The following KCNH8 variants were observed in gnomAD, a reference collection of about 807,000 sequenced individuals.
KCNH8 encodes the protein potassium voltage-gated channel subfamily H member 8.
Under a neutral mutation model 103.6 loss-of-function variants are expected in KCNH8, and 70 were observed. The observed-to-expected ratio is 0.68, with a 90% CI of 0.56 to 0.82. The LOEUF is 0.82. Ranked by LOEUF, KCNH8 falls within the 40% of genes least tolerant of loss-of-function variation. KCNH8 has a pLI of 0.00. For synonymous variants in KCNH8, 498 were observed against 489.4 expected, an observed-to-expected ratio of 1.02 and a Z score of -0.23; for missense variants, 1,217 against 1,329.9, an observed-to-expected ratio of 0.92 and a Z score of 1.32.
intron 5 of KCNH8, among the ~76,000 whole-genome samples, chr3:19,364,005 A>G (rs758076996): frequency 6.6e-6 from 1 of 152,218 alleles, no homozygotes; most frequent in African/African-American, 2.4e-5. Context: ...TTGCTTGGAC[A>G]TTCTGGTATA....
At chr3:19,285,932 A>C (rs2064825764) in intron 3 of KCNH8, among the ~76,000 whole-genome samples, 1 of 152,210 alleles carries the variant, frequency 6.6e-6, no homozygotes, top group Non-Finnish European at 1.5e-5. Flanking sequence ...AGCAGAGTCA[A>C]GGAGAACTTC....
intron 14 of KCNH8, among the ~76,000 whole-genome samples, chr3:19,515,811 C>G (rs1019420194): frequency 2.0e-5 from 3 of 152,018 alleles, no homozygotes; most frequent in Admixed American, 2.0e-4. Flanking sequence ...TTATATTTAA[C>G]CAGTTTATTC....
At chr3:19,308,803 TTTCTCC>T (rs2065173694) in intron 3 of KCNH8, among the ~76,000 whole-genome samples, 1 of 127,316 alleles carries the variant, frequency 7.9e-6, no homozygotes, top group African/African-American at 3.2e-5. Flanking sequence ...TCTCTCTCCC[TTTCTCC>T]CTCTCTCTCT....
intron 3 of KCNH8, among the ~76,000 whole-genome samples, chr3:19,318,319 T>A (rs931772232): frequency 4.0e-5 from 6 of 151,720 alleles, no homozygotes; most frequent in Non-Finnish European, 8.8e-5. Flanking sequence ...ACAAGTGGTG[T>A]TTGGTTACAT....
chr3:19,510,639 T>C (rs2125240943), intron 12 of KCNH8, among the ~76,000 whole-genome samples: 1 of 152,310 alleles, frequency 6.6e-6, no homozygotes, highest in Non-Finnish European at 1.5e-5. Context: ...TACCAAAACA[T>C]GCCAAATGTA....
chr3:19,348,743 G>C (rs944938782), intron 5 of KCNH8, among the ~76,000 whole-genome samples: 1 of 151,938 alleles, frequency 6.6e-6, no homozygotes, highest in African/African-American at 2.4e-5. Flanking sequence ...TGGTGATAGA[G>C]GGCTATATTC....
At chr3:19,315,018 T>C (rs1458800545) in intron 3 of KCNH8, 1 of 152,382 alleles carries the variant, frequency 6.6e-6, no homozygotes, top group Non-Finnish European at 1.5e-5. Flanking sequence ...TCACAGGAAC[T>C]TCTGTACCAT....
intron 3 of KCNH8, among the ~76,000 whole-genome samples, chr3:19,287,892 G>C (rs773149352): frequency 6.6e-6 from 1 of 151,998 alleles, no homozygotes; most frequent in African/African-American, 2.4e-5. Flanking sequence ...CCCCACATTC[G>C]ACTTTCTAAC....
intron 5 of KCNH8, among the ~76,000 whole-genome samples, chr3:19,367,406 T>TTA (rs1334570790): frequency 4.9e-4 from 70 of 143,826 alleles, no homozygotes; most frequent in Non-Finnish European, 8.4e-4. Context: ...ATATATATAT[T>TTA]TATATATATA....
intron 2 of KCNH8, among the ~76,000 whole-genome samples, chr3:19,280,688 C>T (rs2064744622): frequency 6.6e-6 from 1 of 152,062 alleles, no homozygotes; most frequent in African/African-American, 2.4e-5. Context: ...AATCAGCCAG[C>T]AATGTATGAG....
At chr3:19,371,566 T>C (rs1261286821) in intron 5 of KCNH8, among the ~76,000 whole-genome samples, 1 of 150,282 alleles carries the variant, frequency 6.7e-6, no homozygotes, top group Non-Finnish European at 1.5e-5. Context: ...AGGTTGCCTG[T>C]TCACTCTGAT....
intron 3 of KCNH8, among the ~76,000 whole-genome samples, chr3:19,309,579 C>G (rs2065183510): frequency 6.6e-6 from 1 of 151,788 alleles, no homozygotes; most frequent in Non-Finnish European, 1.5e-5. Context: ...TGTCTGATAA[C>G]TAACATATAT....
Position 19,156,987 on chromosome 3 carries a change from A to ATTTT in KCNH8, c.76+8192_76+8193insTTTT, listed in dbSNP as rs1559400834. ...AAAGCTTTTTTTTTTTTTTTTAAAAAAAAGGTTTTCTTTTGTTCTATTAAG... is the reference window on the plus strand; with the variant it reads ...AAAGCTTTTTTTTTTTTTTTTAAAAATTTTAAAGGTTTTCTTTTGTTCTATTAAG... On this transcript the variant is annotated intron_variant, in intron 1 of 15. Coordinates refer to ENST00000328405, the MANE Select transcript of KCNH8 (RefSeq NM_144633.3). 2.3e-3 allele frequency among the ~76,000 whole-genome samples: 337 copies of ATTTT among 147,208 alleles called. 1 individual carries two copies. The highest frequency in any genetic ancestry group is 8.4e-3 in the African/African-American group (313 of 37,142).
chr3:19,174,085 T>C (rs1336576287), intron 1 of KCNH8, among the ~76,000 whole-genome samples: 1 of 151,882 alleles, frequency 6.6e-6, no homozygotes, highest in Non-Finnish European at 1.5e-5. Context: ...CTTGATTCTG[T>C]CTTTTGTCTC....
At chr3:19,230,118 A>G (rs1224122749) in intron 1 of KCNH8, among the ~76,000 whole-genome samples, 1 of 152,160 alleles carries the variant, frequency 6.6e-6, no homozygotes, top group East Asian at 1.9e-4. Flanking sequence ...AGCTCATGAG[A>G]CTTATTCACT....
intron 7 of KCNH8, among the ~76,000 whole-genome samples, chr3:19,400,135 T>C (rs1245208595): frequency 6.9e-6 from 1 of 144,740 alleles, no homozygotes. Flanking sequence ...CTTTCCATCT[T>C]ACCCTTCCAT....
intron 11 of KCNH8, among the ~76,000 whole-genome samples, chr3:19,487,532 C>A (rs1011834046): frequency 6.6e-6 from 1 of 152,168 alleles, no homozygotes; most frequent in African/African-American, 2.4e-5. Context: ...GAACCGGATA[C>A]TGCTTTTGTC....
At position 19,513,113 on chromosome 3, in the gene KCNH8, G is replaced by A. The variant is rs781726893; in HGVS notation, c.2223G>A (p.Lys741=). Residue 741 remains lysine, a synonymous_variant, in exon 13 of 16, where the codon AAG becomes AAA. Coordinates refer to ENST00000328405, the MANE Select transcript of KCNH8 (RefSeq NM_144633.3). ...GGGGATCTTCTTCGCGCAACAAGAA[G>A]GTTGGAAGCAATAAAGCCTACCTGG... ...CTRGSSSRNK[K]VGSNKAYLGL... 3.7e-6 allele frequency: 6 copies of A among 1,613,876 alleles called. No individual in the cohort carries two copies. Among genetic ancestry groups the A allele is most frequent in the Non-Finnish European group, 4.2e-6 (5 of 1,179,936 alleles).
intron 7 of KCNH8, among the ~76,000 whole-genome samples, chr3:19,406,778 C>G (rs1038411320): frequency 1.1e-4 from 16 of 152,010 alleles, no homozygotes; most frequent in African/African-American, 3.6e-4. Context: ...TTGATTGTTT[C>G]CTTTGATAAG....
Sources: gnomAD v4.1 joint callset for allele counts (sites outside exome capture counted in the v4.1 genomes callset) on GRCh38, gnomAD v4.1.1 for gene constraint, MANE v1.5 for transcripts, NCBI Gene and HGNC (gene_info 2026-07-23, HGNC 2026-07-21) for gene names.